EDDM3B: variants seen among roughly 807,000 people sequenced by gnomAD.
EDDM3B encodes the protein epididymal secretory protein E3-beta.
For missense variants in EDDM3B, 189 were observed against 178.3 expected (o/e 1.06, Z -0.34); for synonymous variants, 71 against 59.1 (o/e 1.20, Z -0.92).
chr14:20,768,874 CT>C (rs1416664579), intron 1 of EDDM3B, among the ~76,000 whole-genome samples: 2 of 152,162 alleles, frequency 1.3e-5, no homozygotes, highest in Non-Finnish European at 2.9e-5. Context: ...ACTTGCAGGT[CT>C]GTAGGGAGCT....
chr14:20,769,580 T>C (rs1878273827), intron 1 of EDDM3B, among the ~76,000 whole-genome samples: 1 of 152,122 alleles, frequency 6.6e-6, no homozygotes, highest in Non-Finnish European at 1.5e-5. Context: ...GAGAAAGTGT[T>C]ATAAGGAAGT....
At chr14:20,768,977 G>A (rs961429638) in intron 1 of EDDM3B, among the ~76,000 whole-genome samples, 1 of 152,156 alleles carries the variant, frequency 6.6e-6, no homozygotes, top group African/African-American at 2.4e-5. Context: ...TGGTAAATGA[G>A]GACAGAGCAC....
At position 20,770,305 on chromosome 14, in the gene EDDM3B, T is replaced by C. The variant is rs1566359323; in HGVS notation, c.155T>C (p.Val52Ala). The C allele has an allele frequency of 1.9e-6, 3 of 1,614,212 alleles. No homozygotes were observed. Among genetic ancestry groups the C allele is most frequent in the South Asian group, 1.1e-5 (1 of 91,088 alleles). Residue 52 changes from valine (V) to alanine (A), a missense_variant, in exon 2 of 2, where the codon GTC (valine) becomes GCC (alanine). Val to Ala is a moderately conservative substitution (Grantham distance 64). Coordinates refer to ENST00000326783, the MANE Select transcript of EDDM3B (RefSeq NM_022360.5). ...GAATTCAGAGAGTACAAATGTGATG[T>C]CCTCATGAGAGAAAATGAAGCTCTG... Reference protein sequence around the residue: ...SREFREYKCDVLMRENEALKD... With the variant: ...SREFREYKCDALMRENEALKD...
chr14:20,768,668 C>G (rs1878242524), intron 1 of EDDM3B, among the ~76,000 whole-genome samples, 162 bp downstream of exon 1: 4 of 152,180 alleles, frequency 2.6e-5, no homozygotes, highest in Admixed American at 2.6e-4. Context: ...GCTTTCCCTG[C>G]CCCTCCCTTC....
chr14:20,769,924 T>C (rs1878285344), intron 1 of EDDM3B, among the ~76,000 whole-genome samples: 1 of 152,218 alleles, frequency 6.6e-6, no homozygotes, highest in South Asian at 2.1e-4. Flanking sequence ...TTTTTTCTAA[T>C]TATGTGTTTC....
rs767975196 is a variant in EDDM3B, at chr14:20,770,249, C to A, written c.99C>A (p.Phe33Leu). The change falls in exon 2 of 2, where the codon TTC becomes TTA. Residue 33 changes from phenylalanine to leucine, a missense_variant. Phe to Leu is a conservative substitution (Grantham distance 22, BLOSUM62 0). Coordinates refer to ENST00000326783, the MANE Select transcript of EDDM3B (RefSeq NM_022360.5). ...GCAAAGAAGTTTCTTGGAGAGAATT[C>A]ATGAAACAGCACTACTTAAGTCCAA... Reference protein sequence around the residue: ...VQSKEVSWREFMKQHYLSPSR... With the variant: ...VQSKEVSWRELMKQHYLSPSR... The A allele has an allele frequency of 6.2e-7, 1 of 1,614,012 alleles. No homozygotes were observed. Among genetic ancestry groups the A allele is most frequent in the Non-Finnish European group, 8.5e-7 (1 of 1,180,030 alleles).
chr14:20,770,069 G>GGAGT, intron 1 of EDDM3B, 64 bp from the exon 2 acceptor site: 1 of 1,357,744 alleles, frequency 7.4e-7, no homozygotes, highest in Non-Finnish European at 1.0e-6. Context: ...ATTTTAAGGT[G>GGAGT]GAGTTCAGCT....
At position 20,770,819 on chromosome 14, in the gene EDDM3B, T is replaced by C. The variant is rs1405192191; in HGVS notation, c.*225T>C. On this transcript the variant is annotated 3_prime_UTR_variant, in exon 2 of 2. Coordinates refer to ENST00000326783, the MANE Select transcript of EDDM3B (RefSeq NM_022360.5). The stretch of plus-strand genomic sequence containing the variant: ...TCTTCATTTACCTAATTTACTCTTA[T>C]ACTTTTGTCGACATTCAGCTCATAT... 3 of 498,904 alleles carry C rather than the reference T, an allele frequency of 6.0e-6. No homozygotes were observed. Among genetic ancestry groups the C allele is most frequent in the East Asian group, 6.8e-5 (2 of 29,222 alleles). 30.9% of individuals were successfully genotyped at this position (498,904 alleles called of 1,614,324 possible). A position where few individuals can be genotyped will look rare whatever the true frequency, so the allele number is the denominator to read the frequency against.
Position 20,770,134 on chromosome 14 carries a change from C to A in EDDM3B, c.-17C>A. 1.3e-6 allele frequency: 2 copies of A among 1,589,000 alleles called. No individual in the cohort carries two copies. Among genetic ancestry groups the A allele is most frequent in the Non-Finnish European group, 1.7e-6 (2 of 1,166,742 alleles). On this transcript the variant is annotated splice_region_variant and 5_prime_UTR_variant, in exon 2 of 2. Coordinates refer to ENST00000326783, the MANE Select transcript of EDDM3B (RefSeq NM_022360.5). ...TTTCTCTTCTCTGTGGACACGCAGG[C>A]GGCCCCGGTGACTGAGATGGCATCG... is the stretch of plus-strand genomic sequence containing the variant.
chr14:20,768,693 T>A (rs1412694096), intron 1 of EDDM3B, among the ~76,000 whole-genome samples, 187 bp downstream of exon 1: 1 of 152,210 alleles, frequency 6.6e-6, no homozygotes, highest in Admixed American at 6.5e-5. Context: ...ACCCCCAGTC[T>A]TCTCAAACAC....
intron 1 of EDDM3B, among the ~76,000 whole-genome samples, chr14:20,769,527 AT>A (rs2138551897): frequency 6.6e-6 from 1 of 152,336 alleles, no homozygotes; most frequent in East Asian, 1.9e-4. Flanking sequence ...CTGAGAAGGA[AT>A]ATGGGTAGTT....
At chr14:20,768,688 C>T (rs1182209760) in intron 1 of EDDM3B, among the ~76,000 whole-genome samples, 182 bp downstream of exon 1, 1 of 152,216 alleles carries the variant, frequency 6.6e-6, no homozygotes, top group South Asian at 2.1e-4. Flanking sequence ...CCTTCACCCC[C>T]AGTCTTCTCA....
In EDDM3B at chr14:20,770,833, T is replaced by C. The variant is rs1439517317; in HGVS notation, c.*239T>C. ...ATTTACTCTTATACTTTTGTCGACA[T>C]TCAGCTCATATGGCATCTGTTCTTG... On this transcript the variant is annotated 3_prime_UTR_variant, in exon 2 of 2. Coordinates refer to ENST00000326783, the MANE Select transcript of EDDM3B (RefSeq NM_022360.5). The C allele has an allele frequency of 2.7e-5, 12 of 440,672 alleles. No homozygotes were observed. The East Asian group carries it at 5.0e-4, about 18-fold the overall frequency. 27.3% of individuals were successfully genotyped at this position (440,672 alleles called of 1,614,324 possible). A position where few individuals can be genotyped will look rare whatever the true frequency, so the allele number is the denominator to read the frequency against.
Position 20,770,499 on chromosome 14 carries a change from A to C in EDDM3B, c.349A>C (p.Ser117Arg), listed in dbSNP as rs1161097997. The stretch of plus-strand genomic sequence containing the variant: ...GAATTCCAAAAATAGCTACACAGAG[A>C]GCAGGAGCTTCAACTACATTGAATT... ...QENSKNSYTE[S>R]RSFNYIEFHC... The change falls in exon 2 of 2, where the codon AGC (serine) becomes CGC (arginine). Residue 117 changes from serine (S) to arginine (R), a missense_variant. Coordinates refer to ENST00000326783, the MANE Select transcript of EDDM3B (RefSeq NM_022360.5). The C allele has an allele frequency of 1.2e-6, 2 of 1,614,144 alleles. No individual in the cohort carries two copies. The highest frequency in any genetic ancestry group is 1.7e-6 in the Non-Finnish European group (2 of 1,180,008).
Position 20,770,646 on chromosome 14 carries a change from T to G in EDDM3B, c.*52T>G. 7.0e-7 allele frequency: 1 copy of G among 1,430,606 alleles called. No homozygotes were observed. Among genetic ancestry groups the G allele is most frequent in the Non-Finnish European group, 9.5e-7 (1 of 1,048,412 alleles). The allele number at this position is 1,430,606 out of a possible 1,614,324, so 88.6% of individuals were successfully genotyped here. ...GGTAGAGTATTCAGTGCTTTCTAAGTAGCAGCCCCTGCCTCCATCAATAGT... is the reference window on the plus strand; with the variant it reads ...GGTAGAGTATTCAGTGCTTTCTAAGGAGCAGCCCCTGCCTCCATCAATAGT... On this transcript the variant is annotated 3_prime_UTR_variant, in exon 2 of 2. Coordinates refer to ENST00000326783, the MANE Select transcript of EDDM3B (RefSeq NM_022360.5).
At position 20,770,472 on chromosome 14, in the gene EDDM3B, G is replaced by A. The variant is rs1253479289; in HGVS notation, c.322G>A (p.Glu108Lys). The A allele has an allele frequency of 6.2e-7, 1 of 1,614,048 alleles. No individual in the cohort carries two copies. Among genetic ancestry groups the A allele is most frequent in the Non-Finnish European group, 8.5e-7 (1 of 1,180,040 alleles). Reference protein sequence around the residue: ...NPLKVLKCHQENSKNSYTESR... With the variant: ...NPLKVLKCHQKNSKNSYTESR... The stretch of plus-strand genomic sequence containing the variant: ...TCTCAAAGTACTCAAGTGTCACCAG[G>A]AGAATTCCAAAAATAGCTACACAGA... The change falls in exon 2 of 2, where the codon GAG becomes AAG. Residue 108 changes from glutamate (E) to lysine (K), a missense_variant. Physicochemically the swap from Glu to Lys is moderately conservative, Grantham distance 56. Coordinates refer to ENST00000326783, the MANE Select transcript of EDDM3B (RefSeq NM_022360.5).
At position 20,770,820 on chromosome 14, in the gene EDDM3B, A is replaced by T. The variant is rs73578056; in HGVS notation, c.*226A>T. ...CTTCATTTACCTAATTTACTCTTAT[A>T]CTTTTGTCGACATTCAGCTCATATG... On this transcript the variant is annotated 3_prime_UTR_variant, in exon 2 of 2. Transcript: ENST00000326783. 0.01 allele frequency: 5,092 copies of T among 489,560 alleles called. 123 individuals are homozygous for T. The highest frequency in any genetic ancestry group is 0.079 in the East Asian group (2,255 of 28,438). The allele number at this position is 489,560 out of a possible 1,614,324, so 30.3% of individuals were successfully genotyped here. A position where few individuals can be genotyped will look rare whatever the true frequency, so the allele number is the denominator to read the frequency against.
chr14:20,769,028 C>T (rs1878256365), intron 1 of EDDM3B, among the ~76,000 whole-genome samples: 1 of 152,192 alleles, frequency 6.6e-6, no homozygotes, highest in Admixed American at 6.5e-5. Context: ...TCCCCACACT[C>T]CATGCTATCA....
chr14:20,770,585 C>A lies in EDDM3B; in HGVS notation c.435C>A (p.Ile145=), dbSNP rs755986649. The A allele has an allele frequency of 1.9e-5, 31 of 1,609,458 alleles. No individual in the cohort carries two copies. Among genetic ancestry groups the A allele is most frequent in the Non-Finnish European group, 2.5e-5 (29 of 1,177,634 alleles). Reference sequence around the variant, plus strand: ...AAGACCTAAAGATGGTAGAACCTATCGGCAACTAGAAAGTCTATGCACATC... The same window carrying A: ...AAGACCTAAAGATGGTAGAACCTATAGGCAACTAGAAAGTCTATGCACATC... ...SIEDLKMVEP[I]GN is the part of the protein sequence containing the mutation. Residue 145 remains isoleucine, a synonymous_variant, in exon 2 of 2, where the codon ATC becomes ATA. Coordinates refer to ENST00000326783, the MANE Select transcript of EDDM3B (RefSeq NM_022360.5).
Sources: allele counts gnomAD v4.1 joint callset (sites outside exome capture counted in the v4.1 genomes callset), GRCh38; gene constraint gnomAD v4.1.1; transcripts MANE v1.5; gene names NCBI Gene and HGNC (gene_info 2026-07-23, HGNC 2026-07-21).